SPAG16: variants seen among roughly 807,000 people sequenced by gnomAD.
The protein encoded by SPAG16 is sperm-associated antigen 16 protein.
In SPAG16, 86 loss-of-function variants were observed where a neutral mutation model predicts 80.4. That is an observed-to-expected ratio of 1.07 (90% confidence interval 0.90 to 1.28). The LOEUF (loss-of-function observed/expected upper bound fraction) is 1.28. Ranked by LOEUF, SPAG16 falls within the 50% of genes most tolerant of loss-of-function variation. SPAG16 has a pLI of 0.00. For synonymous variants in SPAG16, 294 were observed against 265.9 expected (o/e 1.11, Z -1.03); for missense variants, 870 against 765.3 (o/e 1.14, Z -1.61).
In SPAG16 at chr2:213,937,815, T is replaced by C. The variant is rs188024709; in HGVS notation, c.1400+7670T>C. On this transcript the variant is annotated intron_variant, in intron 12 of 15. Coordinates refer to ENST00000331683, the MANE Select transcript of SPAG16 (RefSeq NM_024532.5). ...CACATTCAATATGGCTTTGTATGTG[T>C]GAAGAATGGCTCAAGTAAGTGTCCA... 7.2e-5 allele frequency among the ~76,000 whole-genome samples: 11 copies of C among 152,122 alleles called. No homozygotes were observed. The East Asian group carries it at 1.7e-3, about 24-fold the overall frequency.
intron 11 of SPAG16, among the ~76,000 whole-genome samples, chr2:213,903,456 G>A (rs372557215): frequency 6.6e-6 from 1 of 152,144 alleles, no homozygotes; most frequent in Non-Finnish European, 1.5e-5. Flanking sequence ...GCAAGCCATG[G>A]CCCAAGCTCT....
chr2:213,923,442 C>G (rs2078316019), intron 11 of SPAG16, among the ~76,000 whole-genome samples: 1 of 152,182 alleles, frequency 6.6e-6, no homozygotes, highest in Non-Finnish European at 1.5e-5. Flanking sequence ...GAAGCCCCAG[C>G]AAGTGTTGCC....
At chr2:213,325,556 G>A (rs967896509) in intron 5 of SPAG16, among the ~76,000 whole-genome samples, 8 of 151,844 alleles carry the variant, frequency 5.3e-5, no homozygotes, top group African/African-American at 1.7e-4. Context: ...CCACAGACAC[G>A]GGTGATGTAG....
intron 9 of SPAG16, among the ~76,000 whole-genome samples, chr2:213,377,462 C>T (rs955275132): frequency 6.6e-6 from 1 of 152,106 alleles, no homozygotes; most frequent in African/African-American, 2.4e-5. Flanking sequence ...GGTTGCAAAA[C>T]ACAATCTCAA....
At chr2:213,705,061 G>A (rs1017653433) in intron 10 of SPAG16, among the ~76,000 whole-genome samples, 1 of 152,052 alleles carries the variant, frequency 6.6e-6, no homozygotes, top group African/African-American at 2.4e-5. Context: ...GACCATCCTG[G>A]CTAACATGGT....
At chr2:214,059,311 C>T (rs971993757) in intron 13 of SPAG16, among the ~76,000 whole-genome samples, 36 of 146,354 alleles carry the variant, frequency 2.5e-4, no homozygotes, top group African/African-American at 8.1e-4. Flanking sequence ...CATCCTCAGA[C>T]TTCTGAATGG....
intron 1 of SPAG16, among the ~76,000 whole-genome samples, chr2:213,293,124 C>A (rs1238919915): frequency 6.6e-6 from 1 of 152,142 alleles, no homozygotes; most frequent in Non-Finnish European, 1.5e-5. Flanking sequence ...ATCGCAAGAT[C>A]TCATGGTTTT....
chr2:213,716,891 T>G (rs1376980820), intron 10 of SPAG16, among the ~76,000 whole-genome samples: 1 of 152,158 alleles, frequency 6.6e-6, no homozygotes, highest in Admixed American at 6.5e-5. Context: ...TCTGCACTCC[T>G]GAATTCTACC....
At position 214,126,857 on chromosome 2, in the gene SPAG16, A is replaced by G. The variant is rs148155591; in HGVS notation, c.1593+18596A>G. On this transcript the variant is annotated intron_variant, in intron 14 of 15. Coordinates refer to ENST00000331683, the MANE Select transcript of SPAG16 (RefSeq NM_024532.5). ...GCTAGATGATTTGTTTTATTTCTCT[A>G]TGGTGTATAAAACATACATATATAT... is the stretch of plus-strand genomic sequence containing the variant. Among the ~76,000 whole-genome samples, 724 of 151,906 alleles carry G rather than the reference A, an allele frequency of 4.8e-3. 6 individuals carry two copies. The highest frequency in any genetic ancestry group is 0.017 in the African/African-American group (699 of 41,544).
chr2:213,675,715 T>C (rs2064030769), intron 10 of SPAG16, among the ~76,000 whole-genome samples: 1 of 152,144 alleles, frequency 6.6e-6, no homozygotes, highest in African/African-American at 2.4e-5. Context: ...GCGTTATTTC[T>C]GAGGGCTCTG....
At chr2:213,734,242 A>T (rs2067188946) in intron 10 of SPAG16, among the ~76,000 whole-genome samples, 1 of 152,210 alleles carries the variant, frequency 6.6e-6, no homozygotes, top group South Asian at 2.1e-4. Context: ...CCCAGCAAGA[A>T]AAGAGATAAA....
At chr2:213,800,475 T>C (rs2071326838) in intron 10 of SPAG16, among the ~76,000 whole-genome samples, 1 of 151,970 alleles carries the variant, frequency 6.6e-6, no homozygotes, top group African/African-American at 2.4e-5. Context: ...TGAGCGATCC[T>C]CCCACCTTAG....
At chr2:213,565,465 C>G (rs147802045) in intron 10 of SPAG16, among the ~76,000 whole-genome samples, 1 of 152,162 alleles carries the variant, frequency 6.6e-6, no homozygotes, top group Non-Finnish European at 1.5e-5. Context: ...ATAAAGCATG[C>G]GAGAGCTACT....
intron 15 of SPAG16, chr2:214,281,238 G>T: frequency 3.3e-6 from 1 of 306,978 alleles, no homozygotes. Context: ...ATGCTATGCA[G>T]ACTATCATAT....
intron 13 of SPAG16, among the ~76,000 whole-genome samples, chr2:214,105,361 CTG>C (rs1228304663): frequency 6.6e-6 from 1 of 152,154 alleles, no homozygotes; most frequent in Non-Finnish European, 1.5e-5. Flanking sequence ...GGCCCTTACT[CTG>C]TGCTAGGCAA....
chr2:213,287,525 A>G (rs976909292), intron 1 of SPAG16, among the ~76,000 whole-genome samples: 1 of 152,170 alleles, frequency 6.6e-6, no homozygotes, highest in South Asian at 2.1e-4. Flanking sequence ...GCTTCAAGGT[A>G]TTGTTTTTGT....
intron 15 of SPAG16, among the ~76,000 whole-genome samples, chr2:214,182,492 A>G (rs2057339188): frequency 6.6e-6 from 1 of 151,888 alleles, no homozygotes. Flanking sequence ...TGTCCAATAT[A>G]AATGCTACAA....
chr2:213,723,871 TC>T (rs2066635202), intron 10 of SPAG16, among the ~76,000 whole-genome samples: 1 of 152,204 alleles, frequency 6.6e-6, no homozygotes. Flanking sequence ...AGAATGGTCT[TC>T]CCTGTAAATA....
chr2:213,533,560 G>A (rs1433168085), intron 10 of SPAG16, among the ~76,000 whole-genome samples: 1 of 152,106 alleles, frequency 6.6e-6, no homozygotes, highest in Non-Finnish European at 1.5e-5. Flanking sequence ...GGTACCATAG[G>A]TTGATTGTAA....
Sources: allele counts gnomAD v4.1 joint callset (sites outside exome capture counted in the v4.1 genomes callset), GRCh38; gene constraint gnomAD v4.1.1; transcripts MANE v1.5; gene names NCBI Gene and HGNC (gene_info 2026-07-23, HGNC 2026-07-21).